The following ELL variants were observed in gnomAD, a reference collection of about 807,000 sequenced individuals.
The protein encoded by ELL is elongation factor for RNA polymerase II.
In ELL, 18 loss-of-function variants were observed where a neutral mutation model predicts 64.0. The observed-to-expected ratio is 0.28, with a 90% CI of 0.19 to 0.42. The LOEUF is 0.42. ELL is among the 10% of genes least tolerant of loss of function. ELL has a pLI of 1.00. For missense variants in ELL, 797 were observed against 870.4 expected (o/e 0.92, Z 1.06); for synonymous variants, 399 against 376.2 (o/e 1.06, Z -0.70).
chr19:18,459,013 C>T (rs1422497781), intron 5 of ELL, among the ~76,000 whole-genome samples: 1 of 152,118 alleles, frequency 6.6e-6, no homozygotes, highest in Admixed American at 6.5e-5. Context: ...CTCAGTCTCC[C>T]AAGTAGGTGG....
At chr19:18,509,540 G>C (rs1975953598) in intron 1 of ELL, among the ~76,000 whole-genome samples, 1 of 150,516 alleles carries the variant, frequency 6.6e-6, no homozygotes, top group South Asian at 2.1e-4. Flanking sequence ...CCAACCTAAG[G>C]TCTCCAGGGT....
chr19:18,500,190 A>G (rs555583022), intron 1 of ELL, among the ~76,000 whole-genome samples: 1 of 148,144 alleles, frequency 6.8e-6, no homozygotes, highest in Admixed American at 6.9e-5. Flanking sequence ...TGAACCTGGG[A>G]GGCGGAGGTT....
chr19:18,509,477 C>G (rs1024162615), intron 1 of ELL, among the ~76,000 whole-genome samples: 1 of 152,106 alleles, frequency 6.6e-6, no homozygotes, highest in African/African-American at 2.4e-5. Context: ...CGCCCCCACC[C>G]GGCCCCTTGG....
At chr19:18,503,015 C>T (rs1204351647) in intron 1 of ELL, among the ~76,000 whole-genome samples, 2 of 152,210 alleles carry the variant, frequency 1.3e-5, no homozygotes, top group African/African-American at 2.4e-5. Context: ...AGGCACTGCT[C>T]GGCTCCCTGG....
chr19:18,484,694 C>G (rs1014578724), intron 1 of ELL, among the ~76,000 whole-genome samples: 3 of 152,160 alleles, frequency 2.0e-5, no homozygotes, highest in Admixed American at 6.5e-5. Context: ...CATGAGGCTT[C>G]ACAACCAATG....
At position 18,509,591 on chromosome 19, in the gene ELL, GCGCACA is replaced by G. The variant is rs1338641184; in HGVS notation, c.135+12324_135+12329del. On this transcript the variant is annotated intron_variant, in intron 1 of 11. Transcript: ENST00000262809. ...CACAGGCCAATGCACGTGCGCGCGCGCGCACATACACACACACACACACACACACAC... is the reference window on the plus strand; with the variant it reads ...CACAGGCCAATGCACGTGCGCGCGCGTACACACACACACACACACACACAC... Among the ~76,000 whole-genome samples the G allele has an allele frequency of 1.3e-3, 158 of 121,796 alleles. 7 individuals are homozygous for G. The highest frequency in any genetic ancestry group is 5.6e-3 in the African/African-American group (148 of 26,566). 79.9% of individuals were successfully genotyped at this position (121,796 alleles called of 152,430 possible). A position where few individuals can be genotyped will look rare whatever the true frequency, so the allele number is the denominator to read the frequency against.
At position 18,442,676 on chromosome 19, in the gene ELL, A is replaced by G. The variant is rs574701108; in HGVS notation, c.*2076T>C. On this transcript the variant is annotated 3_prime_UTR_variant, in exon 12 of 12. Coordinates refer to ENST00000262809, the MANE Select transcript of ELL (RefSeq NM_006532.4). ...TGGGCTGCCAGGTTCAGTTCAGTGA[A>G]ATTTATTGGAGAATGAAAAAAGTCA... is the stretch of plus-strand genomic sequence containing the variant. 5.3e-4 allele frequency: 99 copies of G among 185,598 alleles called. 1 individual carries two copies. In the Admixed American group the frequency reaches 5.7e-3, roughly 11 times the overall value. The allele number at this position is 185,598 out of a possible 1,614,324, so 11.5% of individuals were successfully genotyped here.
intron 6 of ELL, among the ~76,000 whole-genome samples, chr19:18,455,529 G>A (rs994455927): frequency 6.6e-6 from 1 of 150,910 alleles, no homozygotes; most frequent in East Asian, 1.9e-4. Flanking sequence ...CTACGAAAAC[G>A]CAATGGGGAA....
intron 5 of ELL, among the ~76,000 whole-genome samples, chr19:18,460,346 G>A (rs1486764260): frequency 6.6e-6 from 1 of 152,174 alleles, no homozygotes; most frequent in Non-Finnish European, 1.5e-5. Flanking sequence ...AGCTGTCCAG[G>A]GGAAGTCACA....
intron 1 of ELL, among the ~76,000 whole-genome samples, chr19:18,504,361 T>A (rs1029752270): frequency 1.3e-5 from 2 of 152,232 alleles, no homozygotes; most frequent in Non-Finnish European, 2.9e-5. Context: ...ACATCCTGAT[T>A]GAAATCCATG....
chr19:18,499,691 A>G (rs1975740150), intron 1 of ELL, among the ~76,000 whole-genome samples: 1 of 152,126 alleles, frequency 6.6e-6, no homozygotes, highest in Non-Finnish European at 1.5e-5. Context: ...TCAGGGCATG[A>G]GTAGCCACAG....
At position 18,456,737 on chromosome 19, in the gene ELL, C is replaced by CCA. The variant is rs1249259894; in HGVS notation, c.869+1466_869+1467dup. On this transcript the variant is annotated intron_variant, in intron 6 of 11. Coordinates refer to ENST00000262809, the MANE Select transcript of ELL (RefSeq NM_006532.4). ...AACAAAGAGAACATGAGTGGAGAAA[C>CCA]CACCCCCCAAAGCCACATGTGGTGC... Among the ~76,000 whole-genome samples the CCA allele has an allele frequency of 6.6e-5, 10 of 152,088 alleles. No homozygotes were observed. The East Asian group carries it at 1.9e-3, about 29-fold the overall frequency.
intron 6 of ELL, among the ~76,000 whole-genome samples, chr19:18,453,128 G>A (rs1463568587): frequency 6.6e-6 from 1 of 152,134 alleles, no homozygotes. Flanking sequence ...AAAAAAATTA[G>A]CCGGGCATGG....
intron 8 of ELL, among the ~76,000 whole-genome samples, chr19:18,447,675 C>G (rs895682857): frequency 6.6e-6 from 1 of 152,212 alleles, no homozygotes; most frequent in East Asian, 1.9e-4. Context: ...CTGAAGTGCG[C>G]GTCGCCTAAG....
intron 6 of ELL, among the ~76,000 whole-genome samples, chr19:18,455,019 T>C (rs1337440727): frequency 1.3e-5 from 2 of 148,876 alleles, no homozygotes; most frequent in Admixed American, 6.7e-5. Context: ...TGCATGCCTG[T>C]AATCCCAGCT....
At chr19:18,462,670 T>C (rs1974853634) in intron 4 of ELL, among the ~76,000 whole-genome samples, 1 of 152,088 alleles carries the variant, frequency 6.6e-6, no homozygotes, top group Non-Finnish European at 1.5e-5. Context: ...ACCAGAGCCA[T>C]CCTGCCCAAC....
At chr19:18,505,614 T>C (rs1253668752) in intron 1 of ELL, among the ~76,000 whole-genome samples, 1 of 152,110 alleles carries the variant, frequency 6.6e-6, no homozygotes, top group Non-Finnish European at 1.5e-5. Context: ...GGGAAAGGGC[T>C]AAGCCGGGAA....
At chr19:18,476,977 A>G (rs1975189588) in intron 1 of ELL, among the ~76,000 whole-genome samples, 1 of 152,234 alleles carries the variant, frequency 6.6e-6, no homozygotes. Flanking sequence ...ATCTATAAGC[A>G]GAACCCTACA....
chr19:18,483,422 C>A (rs1183648259), intron 1 of ELL, among the ~76,000 whole-genome samples: 1 of 152,186 alleles, frequency 6.6e-6, no homozygotes, highest in Non-Finnish European at 1.5e-5. Flanking sequence ...TCCATTCCTG[C>A]GTCATAGCTG....
Sources: allele counts gnomAD v4.1 joint callset (sites outside exome capture counted in the v4.1 genomes callset), GRCh38; gene constraint gnomAD v4.1.1; transcripts MANE v1.5; gene names NCBI Gene and HGNC (gene_info 2026-07-23, HGNC 2026-07-21).